The following PHKB variants were observed in gnomAD, a reference collection of about 807,000 sequenced individuals.
PHKB encodes phosphorylase b kinase regulatory subunit beta.
In PHKB, 122 loss-of-function variants were observed where a neutral mutation model predicts 152.1. The observed-to-expected ratio is 0.80, with a 90% CI of 0.69 to 0.93. The LOEUF is 0.93. Among genes scored for constraint, PHKB ranks in the 40% least tolerant of loss-of-function variants. PHKB has a pLI of 0.00. For missense variants in PHKB, 1,304 were observed against 1,328.4 expected, an observed-to-expected ratio of 0.98 and a Z score of 0.29; for synonymous variants, 436 against 464.9, an observed-to-expected ratio of 0.94 and a Z score of 0.80.
At chr16:47,649,818 G>A (rs1031088779) in intron 18 of PHKB, among the ~76,000 whole-genome samples, 1 of 152,166 alleles carries the variant, frequency 6.6e-6, no homozygotes, top group Non-Finnish European at 1.5e-5. Flanking sequence ...ATTAATATAT[G>A]TAAAGTACTA....
chr16:47,589,128 C>A (rs369598724), intron 10 of PHKB, 26 bp downstream of exon 10: 10 of 1,531,222 alleles, frequency 6.5e-6, no homozygotes, highest in Non-Finnish European at 9.0e-6. Flanking sequence ...CCATGGTAAT[C>A]GCATATCAGA....
In PHKB at chr16:47,511,756, A is replaced by G. The variant is rs761451876; in HGVS notation, c.497A>G (p.Glu166Gly). Residue 166 changes from glutamate to glycine, a missense_variant, in exon 5 of 31, where the codon GAA becomes GGA. Glu to Gly is a moderately conservative substitution (Grantham distance 98). Coordinates refer to ENST00000323584, the MANE Select transcript of PHKB (RefSeq NM_000293.3). ...HTGDELLSYE[E>G]YGHLQINAVS... ...GGAGATGAGTTGCTTTCCTATGAGG[A>G]ATATGGTCATCTTCAGGTAAAAAGA... is the stretch of plus-strand genomic sequence containing the variant. The G allele has an allele frequency of 7.0e-6, 11 of 1,579,894 alleles. No individual in the cohort carries two copies. The East Asian group carries it at 2.5e-4, about 35-fold the overall frequency.
At chr16:47,486,259 G>A (rs1026098874) in intron 1 of PHKB, among the ~76,000 whole-genome samples, 1 of 152,202 alleles carries the variant, frequency 6.6e-6, no homozygotes, top group African/African-American at 2.4e-5. Context: ...GGATCACTCA[G>A]TTCAGTTCAT....
chr16:47,664,982 T>G lies in PHKB; in HGVS notation c.2427+7T>G. ...TCTGGTACATGGGAAACAGGTAACA[T>G]GCACAGAATTTGAAAACCCAAGCTG... On this transcript the variant is annotated splice_region_variant and intron_variant, in intron 25 of 30. Transcript: ENST00000323584. 1 of 1,585,446 alleles carries G rather than the reference T, an allele frequency of 6.3e-7. No homozygotes were observed. Among genetic ancestry groups the G allele is most frequent in the Non-Finnish European group, 8.7e-7 (1 of 1,153,928 alleles).
At chr16:47,473,208 T>C (rs1181691608) in intron 1 of PHKB, among the ~76,000 whole-genome samples, 1 of 140,972 alleles carries the variant, frequency 7.1e-6, no homozygotes, top group Non-Finnish European at 1.5e-5. Flanking sequence ...TGCACTACCA[T>C]GCCTGGCTAA....
At chr16:47,506,369 A>G (rs758332062) in intron 4 of PHKB, among the ~76,000 whole-genome samples, 2 of 152,234 alleles carry the variant, frequency 1.3e-5, no homozygotes, top group South Asian at 2.1e-4. Context: ...GAGACATATG[A>G]AAAACCTTTA....
chr16:47,648,723 AC>A, intron 17 of PHKB, 107 bp downstream of exon 17: 1 of 769,388 alleles, frequency 1.3e-6, no homozygotes, highest in Non-Finnish European at 2.4e-6. Context: ...ATGTACTCAG[AC>A]TACTTATCTG....
intron 7 of PHKB, chr16:47,566,591 G>T: frequency 6.7e-7 from 1 of 1,501,584 alleles, no homozygotes. Context: ...CATAGGGTAG[G>T]TTCCCTAGAA....
Position 47,699,433 on chromosome 16 carries a change from T to C in PHKB, c.*67T>C, listed in dbSNP as rs1330982120. Reference sequence around the variant, plus strand: ...AGTGTGTTGTGTTTCATGTTCAAGCTTAATCAAGGCAGCCATTAATATACG... The same window carrying C: ...AGTGTGTTGTGTTTCATGTTCAAGCCTAATCAAGGCAGCCATTAATATACG... On this transcript the variant is annotated 3_prime_UTR_variant, in exon 31 of 31. Transcript: ENST00000323584. 1.9e-6 allele frequency: 3 copies of C among 1,578,958 alleles called. No individual in the cohort carries two copies. The highest frequency in any genetic ancestry group is 2.6e-6 in the Non-Finnish European group (3 of 1,148,078).
At chr16:47,669,625 G>A (rs564362543) in intron 26 of PHKB, among the ~76,000 whole-genome samples, 8 of 152,262 alleles carry the variant, frequency 5.3e-5, no homozygotes, top group African/African-American at 1.4e-4. Flanking sequence ...TTTCACACCC[G>A]AGTTAGACAT....
In PHKB at chr16:47,623,019, C is replaced by A. The variant is rs1214479847; in HGVS notation, c.1458+12099C>A. 2.0e-5 allele frequency among the ~76,000 whole-genome samples: 3 copies of A among 152,122 alleles called. 1 individual carries two copies. Among genetic ancestry groups the A allele is most frequent in the Admixed American group, 2.0e-4 (3 of 15,268 alleles). On this transcript the variant is annotated intron_variant, in intron 14 of 30. Coordinates refer to ENST00000323584, the MANE Select transcript of PHKB (RefSeq NM_000293.3). The stretch of plus-strand genomic sequence containing the variant: ...GAAGTAATATAGTATAGTGGCTTTG[C>A]ATCTCATACAGGCCTAGCTATAAAA...
At chr16:47,555,235 G>A (rs989288873) in intron 7 of PHKB, among the ~76,000 whole-genome samples, 2 of 152,136 alleles carry the variant, frequency 1.3e-5, no homozygotes, top group South Asian at 2.1e-4. Context: ...TTCATTTTAT[G>A]TATCTTTGCC....
intron 6 of PHKB, among the ~76,000 whole-genome samples, chr16:47,544,029 A>G (rs1244363735): frequency 1.3e-5 from 2 of 152,080 alleles, no homozygotes; most frequent in Non-Finnish European, 2.9e-5. Context: ...TGATCTTTTC[A>G]AAAAACCAGC....
chr16:47,647,887 C>T (rs1307239993), intron 16 of PHKB, among the ~76,000 whole-genome samples: 1 of 152,144 alleles, frequency 6.6e-6, no homozygotes, highest in Non-Finnish European at 1.5e-5. Context: ...TAAATATACA[C>T]ACATATTGAC....
At position 47,699,691 on chromosome 16, in the gene PHKB, T is replaced by G; in HGVS notation, c.*325T>G. 1 of 362,026 alleles carries G rather than the reference T, an allele frequency of 2.8e-6. No individual in the cohort carries two copies. Among genetic ancestry groups the G allele is most frequent in the East Asian group, 6.4e-5 (1 of 15,746 alleles). 22.4% of individuals were successfully genotyped at this position (362,026 alleles called of 1,614,324 possible). On this transcript the variant is annotated 3_prime_UTR_variant, in exon 31 of 31. Coordinates refer to ENST00000323584, the MANE Select transcript of PHKB (RefSeq NM_000293.3). ...ATAGTTCATCAAAATGAATCTTTGC[T>G]CTTTGGACTGAATTCTTACCATACT...
intron 1 of PHKB, among the ~76,000 whole-genome samples, chr16:47,487,426 TATA>T (rs1270851924): frequency 5.8e-4 from 86 of 148,600 alleles, no homozygotes; most frequent in African/African-American, 1.9e-3. Context: ...TATATATATA[TATA>T]TTTTTTTTTT....
At chr16:47,551,130 G>A (rs1316166035) in intron 7 of PHKB, among the ~76,000 whole-genome samples, 1 of 151,978 alleles carries the variant, frequency 6.6e-6, no homozygotes, top group African/African-American at 2.4e-5. Flanking sequence ...AGTCTTGGTA[G>A]TGGTCTATTT....
intron 23 of PHKB, among the ~76,000 whole-genome samples, chr16:47,662,265 A>C (rs1973457996): frequency 6.6e-6 from 1 of 152,194 alleles, no homozygotes; most frequent in Admixed American, 6.5e-5. Context: ...AAAATAAATC[A>C]TTTGTAATCA....
chr16:47,547,374 C>T (rs1971190599), intron 6 of PHKB, 59 bp from the exon 7 acceptor site: 4 of 1,046,478 alleles, frequency 3.8e-6, no homozygotes, highest in Non-Finnish European at 5.9e-6. Context: ...TGAGCCACCA[C>T]ACCCGGCCTA....
Sources: allele counts gnomAD v4.1 joint callset (sites outside exome capture counted in the v4.1 genomes callset), GRCh38; gene constraint gnomAD v4.1.1; transcripts MANE v1.5; gene names NCBI Gene and HGNC (gene_info 2026-07-23, HGNC 2026-07-21).